The following RAI1 variants were observed in gnomAD, a reference collection of about 807,000 sequenced individuals.
The protein encoded by RAI1 is retinoic acid-induced protein 1.
A neutral mutation model predicts 123.8 loss-of-function variants in RAI1; 9 were observed. That is an observed-to-expected ratio of 0.07 (90% CI 0.04 to 0.13). The LOEUF (loss-of-function observed/expected upper bound fraction) is 0.13, where lower values mean the gene tolerates loss of function less well. RAI1 is among the 10% of genes least tolerant of loss of function. RAI1 has a pLI of 1.00. For missense variants in RAI1, 2,256 were observed against 2,545.8 expected, an observed-to-expected ratio of 0.89 and a Z score of 2.45; for synonymous variants, 1,231 against 1,127.3, an observed-to-expected ratio of 1.09 and a Z score of -1.84.
Position 17,796,375 on chromosome 17 carries a change from T to G in RAI1, c.3427T>G (p.Ser1143Ala), listed in dbSNP as rs2032249769. 6.2e-7 allele frequency: 1 copy of G among 1,613,446 alleles called. No individual in the cohort carries two copies. The highest frequency in any genetic ancestry group is 8.5e-7 in the Non-Finnish European group (1 of 1,179,988). Residue 1143 changes from serine to alanine, a missense_variant, in exon 3 of 6, where the codon TCC becomes GCC. Physicochemically the swap from Ser to Ala is moderately conservative, Grantham distance 99. Coordinates refer to ENST00000353383, the MANE Select transcript of RAI1 (RefSeq NM_030665.4). This position sits in a 1 kb window ranked among gnomAD's most constrained non-coding sequence, Gnocchi z 5.8. The part of the protein sequence containing the change: ...SPSTPGKDQR[S>A]MILRSRTKTQ... ...CAGCACGCCTGGCAAGGACCAGCGC[T>G]CCATGATCCTTCGGTCACGCACCAA...
chr17:17,751,818 C>T (rs763193934), intron 2 of RAI1, among the ~76,000 whole-genome samples: 5 of 152,152 alleles, frequency 3.3e-5, no homozygotes, highest in African/African-American at 4.8e-5. Flanking sequence ...ACCCGTTCCC[C>T]TTAGCGAATG....
chr17:17,765,520 C>T (rs537768587), intron 2 of RAI1, among the ~76,000 whole-genome samples: 4 of 152,386 alleles, frequency 2.6e-5, no homozygotes, highest in Admixed American at 6.5e-5. Flanking sequence ...AACGGCAAGA[C>T]GTAGGCCTTA....
In RAI1 at chr17:17,792,708, T is replaced by A. The variant is rs200112994; in HGVS notation, c.-16-225T>A. 4.9e-3 allele frequency among the ~76,000 whole-genome samples: 740 copies of A among 149,594 alleles called. 8 individuals are homozygous for A. Among genetic ancestry groups the A allele is most frequent in the South Asian group, 0.02 (97 of 4,752 alleles). On this transcript the variant is annotated intron_variant, in intron 2 of 5. Transcript: ENST00000353383. ...GCGGGAATTACAGAGCACACCTCCC[T>A]GACACAGAAGTTGTCAATATGCGCA...
rs1236856538 is a variant in RAI1, at chr17:17,685,737, A to C, written c.-149+3944A>C. Among the ~76,000 whole-genome samples, 1 of 152,136 alleles carries C rather than the reference A, an allele frequency of 6.6e-6. No homozygotes were observed. Among genetic ancestry groups the C allele is most frequent in the African/African-American group, 2.4e-5 (1 of 41,426 alleles). ...CAGTGGCTCCTGCTGCCTTATGAAT[A>C]AAGGTCCCATCTGTAGTTCTTCCCA... is the stretch of plus-strand genomic sequence containing the variant. On this transcript the variant is annotated intron_variant, in intron 1 of 5. Transcript: ENST00000353383. This position sits in a 1 kb window ranked among gnomAD's most constrained non-coding sequence, Gnocchi z 4.0.
At chr17:17,692,913 T>C (rs988276325) in intron 1 of RAI1, among the ~76,000 whole-genome samples, 6 of 152,114 alleles carry the variant, frequency 3.9e-5, no homozygotes, top group African/African-American at 1.4e-4. Flanking sequence ...CCAGGCAAGA[T>C]TGCAATATCT....
In RAI1 at chr17:17,810,807, C is replaced by T. The variant is rs1320066019; in HGVS notation, c.*826C>T. 4.4e-6 allele frequency: 2 copies of T among 454,822 alleles called. No homozygotes were observed. Among genetic ancestry groups the T allele is most frequent in the Non-Finnish European group, 8.9e-6 (2 of 225,606 alleles). The allele number at this position is 454,822 out of a possible 1,614,324, so 28.2% of individuals were successfully genotyped here. On this transcript the variant is annotated 3_prime_UTR_variant, in exon 6 of 6. Coordinates refer to ENST00000353383, the MANE Select transcript of RAI1 (RefSeq NM_030665.4). This position sits in a 1 kb window ranked among gnomAD's most constrained non-coding sequence, Gnocchi z 4.6. ...AGCGGCCAGAACGCACCTCCGGCTC[C>T]GGCGGACGCGCGACCGTTGTGCACC...
chr17:17,728,254 C>T (rs1916157610), intron 2 of RAI1, among the ~76,000 whole-genome samples: 1 of 151,556 alleles, frequency 6.6e-6, no homozygotes, highest in Non-Finnish European at 1.5e-5. Context: ...TGTGCTGCTT[C>T]AAGGTTGTGG....
At chr17:17,736,440 G>A (rs1258596191) in intron 2 of RAI1, among the ~76,000 whole-genome samples, 2 of 152,228 alleles carry the variant, frequency 1.3e-5, no homozygotes. Context: ...GAGGTCCCAA[G>A]GAACAGAGGA....
chr17:17,742,937 G>A (rs1916692223), intron 2 of RAI1, among the ~76,000 whole-genome samples: 1 of 152,184 alleles, frequency 6.6e-6, no homozygotes, highest in Admixed American at 6.5e-5. Flanking sequence ...AAGTCTCTGT[G>A]GGGTGAATGT....
Position 17,800,227 on chromosome 17 carries a change from T to A in RAI1, c.5565+1714T>A, listed in dbSNP as rs1343964488. 1.4e-5 allele frequency among the ~76,000 whole-genome samples: 2 copies of A among 138,330 alleles called. No homozygotes were observed. The highest frequency in any genetic ancestry group is 5.0e-4 in the South Asian group (2 of 4,010). 90.7% of individuals were successfully genotyped at this position (138,330 alleles called of 152,430 possible). On this transcript the variant is annotated intron_variant, in intron 3 of 5. Coordinates refer to ENST00000353383, the MANE Select transcript of RAI1 (RefSeq NM_030665.4). This position sits in a 1 kb window ranked among gnomAD's most constrained non-coding sequence, Gnocchi z 4.7. ...CTCTCTCTCTCTCTCTCTCTCTCTC[T>A]CATTACTGGCTCCTTCCCAGCGCCT...
chr17:17,803,977 A>G, intron 4 of RAI1, 128 bp downstream of exon 4: 1 of 922,192 alleles, frequency 1.1e-6, no homozygotes, highest in Non-Finnish European at 1.8e-6. Context: ...CTCTTGCCCC[A>G]GCAATTCTTT....
At chr17:17,725,993 A>C (rs922624780) in intron 2 of RAI1, among the ~76,000 whole-genome samples, 12 of 152,222 alleles carry the variant, frequency 7.9e-5, no homozygotes, top group African/African-American at 1.9e-4. Context: ...CTGACATGCT[A>C]ACAGTGTGAC....
In RAI1 at chr17:17,810,794, G is replaced by A; in HGVS notation, c.*813G>A. On this transcript the variant is annotated 3_prime_UTR_variant, in exon 6 of 6. Transcript: ENST00000353383. This position sits in a 1 kb window ranked among gnomAD's most constrained non-coding sequence, Gnocchi z 4.6. ...GCAAAACCCAAGAAGCGGCCAGAAC[G>A]CACCTCCGGCTCCGGCGGACGCGCG... The A allele has an allele frequency of 4.4e-6, 2 of 454,784 alleles. No homozygotes were observed. The highest frequency in any genetic ancestry group is 4.4e-6 in the Non-Finnish European group (1 of 225,590). 28.2% of individuals were successfully genotyped at this position (454,784 alleles called of 1,614,324 possible). A position where few individuals can be genotyped will look rare whatever the true frequency, so the allele number is the denominator to read the frequency against.
At chr17:17,749,129 C>G (rs2030048573) in intron 2 of RAI1, among the ~76,000 whole-genome samples, 1 of 152,232 alleles carries the variant, frequency 6.6e-6, no homozygotes, top group Admixed American at 6.5e-5. Context: ...GAATGGCGGC[C>G]AGCATCTGCC....
intron 1 of RAI1, among the ~76,000 whole-genome samples, chr17:17,698,381 C>T (rs995537100): frequency 6.6e-6 from 1 of 152,230 alleles, no homozygotes; most frequent in Non-Finnish European, 1.5e-5. Context: ...TGGGGCCCAA[C>T]TCTGGATTCT....
chr17:17,810,452 G>A lies in RAI1; in HGVS notation c.*471G>A. 3.9e-6 allele frequency: 1 copy of A among 255,176 alleles called. No individual in the cohort carries two copies. 15.8% of individuals were successfully genotyped at this position (255,176 alleles called of 1,614,324 possible). A position where few individuals can be genotyped will look rare whatever the true frequency, so the allele number is the denominator to read the frequency against. On this transcript the variant is annotated 3_prime_UTR_variant, in exon 6 of 6. Coordinates refer to ENST00000353383, the MANE Select transcript of RAI1 (RefSeq NM_030665.4). This position sits in a 1 kb window ranked among gnomAD's most constrained non-coding sequence, Gnocchi z 4.6. Reference sequence around the variant, plus strand: ...GGGCTTGGGGGTGGGGGTCGAAACAGTACTGGAAGAGGCGGAGGGCGGCTC... The same window carrying A: ...GGGCTTGGGGGTGGGGGTCGAAACAATACTGGAAGAGGCGGAGGGCGGCTC...
chr17:17,775,201 A>ATTTTTTT (rs56152905), intron 2 of RAI1, among the ~76,000 whole-genome samples: 1 of 123,440 alleles, frequency 8.1e-6, no homozygotes, highest in Admixed American at 8.4e-5. Context: ...TTCATGTGTA[A>ATTTTTTT]TTTTTTTTTT....
chr17:17,695,319 G>A (rs1176640626), intron 1 of RAI1, among the ~76,000 whole-genome samples: 1 of 152,140 alleles, frequency 6.6e-6, no homozygotes, highest in African/African-American at 2.4e-5. Context: ...CTCCAGCCCA[G>A]GAGCACAGGC....
intron 1 of RAI1, among the ~76,000 whole-genome samples, chr17:17,693,446 G>T (rs571921755): frequency 6.6e-6 from 1 of 152,340 alleles, no homozygotes; most frequent in Admixed American, 6.5e-5. Context: ...CGTGCCCCAG[G>T]CATCTTTCTT....
Sources: gnomAD v4.1 joint callset for allele counts (sites outside exome capture counted in the v4.1 genomes callset) on GRCh38, gnomAD v4.1.1 for gene constraint, Gnocchi (gnomAD v3.1) non-coding constraint, MANE v1.5 for transcripts, NCBI Gene and HGNC (gene_info 2026-07-23, HGNC 2026-07-21) for gene names.